The following OR2V2 variants were observed in gnomAD, a reference collection of about 807,000 sequenced individuals.
The protein encoded by OR2V2 is olfactory receptor 2V2.
For synonymous variants in OR2V2, 161 were observed against 151.3 expected, an observed-to-expected ratio of 1.06 and a Z score of -0.47; for missense variants, 392 against 392.2, an observed-to-expected ratio of 1.00 and a Z score of 0.00.
At chr5:181,148,250 T>C (rs2546440) in intron 1 of OR2V2, among the ~76,000 whole-genome samples, 20,483 of 152,108 alleles carry the variant, frequency 0.13, 2,331 homozygotes, top group African/African-American at 0.32. Flanking sequence ...CCCCTTTTCC[T>C]GTCCCCCTCC....
intron 1 of OR2V2, among the ~76,000 whole-genome samples, chr5:181,148,369 G>T (rs1416560018): frequency 6.6e-6 from 1 of 152,162 alleles, no homozygotes; most frequent in Non-Finnish European, 1.5e-5. Flanking sequence ...GGATAGGAAG[G>T]AGGGGGCTGA....
chr5:181,153,279 TACCG>T (rs1763214562), intron 1 of OR2V2, among the ~76,000 whole-genome samples: 1 of 152,232 alleles, frequency 6.6e-6, no homozygotes, highest in Admixed American at 6.5e-5. Context: ...TCAGATATTC[TACCG>T]TCAAGGATGC....
intron 1 of OR2V2, among the ~76,000 whole-genome samples, chr5:181,154,446 T>C (rs1002349003): frequency 4.6e-5 from 7 of 151,966 alleles, no homozygotes; most frequent in South Asian, 2.1e-4. Context: ...AAAAATTAGC[T>C]GGGCGTGGTG....
In OR2V2 at chr5:181,152,250, A is replaced by T. The variant is rs1199642877; in HGVS notation, c.-24-2669A>T. On this transcript the variant is annotated intron_variant, in intron 1 of 1. Transcript: ENST00000641492. ...ACAGCCCATGTTTAGTAAACGCAGA[A>T]CCAAGATTGACAAAGAGTCTTTGAA... Among the ~76,000 whole-genome samples, 3 of 152,348 alleles carry T rather than the reference A, an allele frequency of 2.0e-5. No individual in the cohort carries two copies. The South Asian group carries it at 6.2e-4, about 32-fold the overall frequency.
chr5:181,154,633 A>T (rs1763234177), intron 1 of OR2V2, among the ~76,000 whole-genome samples: 1 of 151,524 alleles, frequency 6.6e-6, no homozygotes, highest in South Asian at 2.1e-4. Flanking sequence ...TACAGCCAAG[A>T]CTTTGCCTGC....
In OR2V2 at chr5:181,155,250, G is replaced by A. The variant is rs1401311748; in HGVS notation, c.308G>A (p.Gly103Asp). ...ISFVGCGIQI[G>D]LFVCLVGSEG... ...TTTGTGGGCTGTGGCATACAAATTG[G>A]CCTCTTTGTCTGTCTTGTGGGATCT... The change falls in exon 2 of 2, where the codon GGC becomes GAC. Residue 103 changes from glycine (G) to aspartate (D), a missense_variant. Coordinates refer to ENST00000641492, the MANE Select transcript of OR2V2 (RefSeq NM_206880.2). 1.2e-6 allele frequency: 2 copies of A among 1,612,286 alleles called. No individual in the cohort carries two copies. The highest frequency in any genetic ancestry group is 8.5e-7 in the Non-Finnish European group (1 of 1,179,766).
chr5:181,155,513 G>C lies in OR2V2; in HGVS notation c.571G>C (p.Val191Leu). 1 of 1,614,188 alleles carries C rather than the reference G, an allele frequency of 6.2e-7. No homozygotes were observed. The highest frequency in any genetic ancestry group is 8.5e-7 in the Non-Finnish European group (1 of 1,180,028). The stretch of plus-strand genomic sequence containing the variant: ...GCTATCCTTGTTGAAGCTGGCCTGT[G>C]TAGACACATCCCTGTTTGAGAAGGT... ...EMLSLLKLAC[V>L]DTSLFEKVIF... is the part of the protein sequence containing the mutation. The change falls in exon 2 of 2, where the codon GTA (valine) becomes CTA (leucine). Residue 191 changes from valine (V) to leucine (L), a missense_variant. Val to Leu is a conservative substitution (Grantham distance 32, BLOSUM62 1). Coordinates refer to ENST00000641492, the MANE Select transcript of OR2V2 (RefSeq NM_206880.2).
rs1256496882 is a variant in OR2V2 at position 181,156,715 on chromosome 5, TCA to T, written c.*828_*829del. 2 of 152,262 alleles carry T rather than the reference TCA, an allele frequency of 1.3e-5. No individual in the cohort carries two copies. The highest frequency in any genetic ancestry group is 2.9e-5 in the Non-Finnish European group (2 of 68,046). 9.4% of individuals were successfully genotyped at this position (152,262 alleles called of 1,614,324 possible). On this transcript the variant is annotated 3_prime_UTR_variant, in exon 2 of 2. Coordinates refer to ENST00000641492, the MANE Select transcript of OR2V2 (RefSeq NM_206880.2). The stretch of plus-strand genomic sequence containing the variant: ...ACCTGCATGATGTTTATATGATGTC[TCA>T]CAACAGTTGTAGCCCAACCCTAGGG...
Position 181,155,077 on chromosome 5 carries a change from C to T in OR2V2, c.135C>T (p.Leu45=). The T allele has an allele frequency of 2.5e-6, 4 of 1,614,190 alleles. No homozygotes were observed. Among genetic ancestry groups the T allele is most frequent in the South Asian group, 2.2e-5 (2 of 91,084 alleles). Residue 45 remains leucine, a synonymous_variant, in exon 2 of 2, where the codon CTC becomes CTT. Coordinates refer to ENST00000641492, the MANE Select transcript of OR2V2 (RefSeq NM_206880.2). ...VFTVALCGNV[L]LIFLIYMDPH... ...CAGTGGCCCTCTGTGGGAATGTCCTCCTCATCTTCCTCATCTACATGGACC... is the reference window on the plus strand; with the variant it reads ...CAGTGGCCCTCTGTGGGAATGTCCTTCTCATCTTCCTCATCTACATGGACC...
Position 181,154,921 on chromosome 5 carries a change from G to A in OR2V2, c.-22G>A. 2 of 1,533,084 alleles carry A rather than the reference G, an allele frequency of 1.3e-6. No homozygotes were observed. The highest frequency in any genetic ancestry group is 9.0e-7 in the Non-Finnish European group (1 of 1,106,840). The allele number at this position is 1,533,084 out of a possible 1,614,324, so 95.0% of individuals were successfully genotyped here. A position where few individuals can be genotyped will look rare whatever the true frequency, so the allele number is the denominator to read the frequency against. The stretch of plus-strand genomic sequence containing the variant: ...ACACATCTTGTCCATATTCTCAGGT[G>A]ACCAGGAGCAACAACCGAGCCATGG... On this transcript the variant is annotated splice_region_variant and 5_prime_UTR_variant, in exon 2 of 2. Coordinates refer to ENST00000641492, the MANE Select transcript of OR2V2 (RefSeq NM_206880.2).
chr5:181,152,833 GC>G (rs1763209083), intron 1 of OR2V2, among the ~76,000 whole-genome samples: 1 of 152,258 alleles, frequency 6.6e-6, no homozygotes, highest in Admixed American at 6.5e-5. Context: ...CTGAACCAGA[GC>G]CTCAGGAGAG....
rs1304171986 is a variant in OR2V2 at position 181,155,824 on chromosome 5, G to T, written c.882G>T (p.Arg294Ser). The change falls in exon 2 of 2, where the codon AGG becomes AGT. Residue 294 changes from arginine (R) to serine (S), a missense_variant. Coordinates refer to ENST00000641492, the MANE Select transcript of OR2V2 (RefSeq NM_206880.2). ...PMLNPLIYSLRNREVMGALRK... is the reference protein window; with the variant it reads ...PMLNPLIYSLSNREVMGALRK... ...TCAACCCCCTCATTTACAGCTTGAG[G>T]AACAGGGAGGTGATGGGGGCACTGA... 6.2e-7 allele frequency: 1 copy of T among 1,614,076 alleles called. No homozygotes were observed. The highest frequency in any genetic ancestry group is 8.5e-7 in the Non-Finnish European group (1 of 1,180,040).
rs144605066 is a variant in OR2V2 at position 181,152,217 on chromosome 5, C to T, written c.-24-2702C>T. Among the ~76,000 whole-genome samples the T allele has an allele frequency of 2.4e-3, 373 of 152,324 alleles. 3 individuals carry two copies. The highest frequency in any genetic ancestry group is 8.6e-3 in the African/African-American group (359 of 41,562). On this transcript the variant is annotated intron_variant, in intron 1 of 1. Coordinates refer to ENST00000641492, the MANE Select transcript of OR2V2 (RefSeq NM_206880.2). ...AGGAGGAAACGGAGGCTCTGAGAAG[C>T]TGGCTGCACAGCCCATGTTTAGTAA... is the stretch of plus-strand genomic sequence containing the variant.
chr5:181,155,855 G>T lies in OR2V2; in HGVS notation c.913G>T (p.Gly305Trp). The change falls in exon 2 of 2, where the codon GGG (glycine) becomes TGG (tryptophan). Residue 305 changes from glycine (G) to tryptophan (W), a missense_variant. Gly to Trp is a radical substitution (Grantham distance 184). Transcript: ENST00000641492. ...NREVMGALRK[G>W]LDRCRIGSQH is the part of the protein sequence containing the mutation. ...GGAGGTGATGGGGGCACTGAGGAAG[G>T]GGCTGGACCGCTGCAGGATCGGCAG... The T allele has an allele frequency of 6.2e-7, 1 of 1,614,068 alleles. No homozygotes were observed. Among genetic ancestry groups the T allele is most frequent in the South Asian group, 1.1e-5 (1 of 91,074 alleles).
At chr5:181,150,417 C>T (rs1056988869) in intron 1 of OR2V2, among the ~76,000 whole-genome samples, 6 of 152,312 alleles carry the variant, frequency 3.9e-5, no homozygotes, top group African/African-American at 9.6e-5. Context: ...TGAAGACATG[C>T]GCTGGCAGTC....
chr5:181,154,255 C>T (rs1430763194), intron 1 of OR2V2, among the ~76,000 whole-genome samples: 3 of 152,284 alleles, frequency 2.0e-5, no homozygotes, highest in African/African-American at 4.8e-5. Flanking sequence ...GTCCCGGCCC[C>T]GTTAAACATT....
rs1554096519 is a variant in OR2V2 at position 181,156,039 on chromosome 5, G to GTTCTTTCTTTCTTTTTCT, written c.*163_*164insTTCTTTCTTTCTTTCTTT. On this transcript the variant is annotated 3_prime_UTR_variant, in exon 2 of 2. Transcript: ENST00000641492. ...GAAGGTCTTTTTAAACACTACATCA[G>GTTCTTTCTTTCTTTTTCT]TTCTTTCTTTCTTTCTTTCTTTCTT... is the stretch of plus-strand genomic sequence containing the variant. 8.3e-5 allele frequency: 41 copies of GTTCTTTCTTTCTTTTTCT among 495,286 alleles called. 1 individual carries two copies. Among genetic ancestry groups the GTTCTTTCTTTCTTTTTCT allele is most frequent in the Non-Finnish European group, 1.3e-4 (38 of 291,828 alleles). 30.7% of individuals were successfully genotyped at this position (495,286 alleles called of 1,614,324 possible). A position where few individuals can be genotyped will look rare whatever the true frequency, so the allele number is the denominator to read the frequency against.
At position 181,148,018 on chromosome 5, in the gene OR2V2, C is replaced by T. The variant is rs1485947347; in HGVS notation, c.-25+23C>T. The T allele has an allele frequency of 2.5e-5, 10 of 398,694 alleles. No homozygotes were observed. The South Asian group carries it at 3.8e-4, about 15-fold the overall frequency. 24.7% of individuals were successfully genotyped at this position (398,694 alleles called of 1,614,324 possible). ...CAGGTGAGTGAGGGTCTTGTCCTGT[C>T]GTCCCCTCTCTCTTCCCTGCAGCTC... On this transcript the variant is annotated intron_variant, in intron 1 of 1. Transcript: ENST00000641492.
In OR2V2 at chr5:181,147,801, G is replaced by A; in HGVS notation, c.-219G>A. On this transcript the variant is annotated 5_prime_UTR_variant, in exon 1 of 2. Coordinates refer to ENST00000641492, the MANE Select transcript of OR2V2 (RefSeq NM_206880.2). The stretch of plus-strand genomic sequence containing the variant: ...TCTCTGAGCCTGAGGGGCCACTGGA[G>A]GCTGAGGGTGCCGTGGGCTCCACAG... 1 of 391,154 alleles carries A rather than the reference G, an allele frequency of 2.6e-6. No individual in the cohort carries two copies. Among genetic ancestry groups the A allele is most frequent in the Non-Finnish European group, 4.5e-6 (1 of 221,904 alleles). 24.2% of individuals were successfully genotyped at this position (391,154 alleles called of 1,614,324 possible). A position where few individuals can be genotyped will look rare whatever the true frequency, so the allele number is the denominator to read the frequency against.
Sources: gnomAD v4.1 joint callset for allele counts (sites outside exome capture counted in the v4.1 genomes callset) on GRCh38, gnomAD v4.1.1 for gene constraint, MANE v1.5 for transcripts, NCBI Gene and HGNC (gene_info 2026-07-23, HGNC 2026-07-21) for gene names.